Variants in GLT1D1 observed in about 807,000 individuals in gnomAD.
GLT1D1 encodes the protein glycosyltransferase 1 domain containing 1, also known as glycosyltransferase 1 domain-containing protein 1.
In GLT1D1, 21 loss-of-function variants were observed where a neutral mutation model predicts 28.7. The ratio of observed to expected loss-of-function variants is 0.73; its 90% CI spans 0.52 to 1.05. The LOEUF is 1.05. Among genes scored for constraint, GLT1D1 ranks in the 50% least tolerant of loss-of-function variants. GLT1D1 has a pLI of 0.00. For missense variants in GLT1D1, 343 were observed against 330.6 expected (o/e 1.04, Z -0.29); for synonymous variants, 147 against 124.8 (o/e 1.18, Z -1.19).
In GLT1D1 at chr12:128,937,155, T is replaced by TA. The variant is rs536933295; in HGVS notation, c.376-8167dup. ...AGAAATTCCTAACTAAAAATACTCA[T>TA]AAAATGTGATTTTGAAAATTAATAT... On this transcript the variant is annotated intron_variant, in intron 4 of 7. Coordinates refer to ENST00000281703, the MANE Select transcript of GLT1D1 (RefSeq NM_144669.3). Among the ~76,000 whole-genome samples, 3 of 152,344 alleles carry TA rather than the reference T, an allele frequency of 2.0e-5. No homozygotes were observed. In the East Asian group the frequency reaches 5.8e-4, roughly 29 times the overall value.
intron 4 of GLT1D1, among the ~76,000 whole-genome samples, chr12:128,937,107 A>G (rs1874641827): frequency 6.6e-6 from 1 of 152,196 alleles, no homozygotes; most frequent in South Asian, 2.1e-4. Context: ...GAGCAGAGGC[A>G]TGCTAATAAA....
chr12:128,877,021 G>A (rs930508920), intron 2 of GLT1D1, among the ~76,000 whole-genome samples: 1 of 152,176 alleles, frequency 6.6e-6, no homozygotes, highest in Non-Finnish European at 1.5e-5. Context: ...AGTCTTTAGA[G>A]GACCCTTTTA....
intron 3 of GLT1D1, among the ~76,000 whole-genome samples, chr12:128,891,702 G>A (rs761118841): frequency 2.0e-5 from 3 of 152,024 alleles, no homozygotes; most frequent in African/African-American, 7.2e-5. Context: ...TGTCAGTCTC[G>A]CTTCTGAAAA....
chr12:128,949,494 C>T (rs916474757), intron 6 of GLT1D1, among the ~76,000 whole-genome samples: 1 of 152,080 alleles, frequency 6.6e-6, no homozygotes, highest in Non-Finnish European at 1.5e-5. Flanking sequence ...AGGAAGTGAC[C>T]TTTTGACCTT....
At chr12:128,864,001 C>T in intron 1 of GLT1D1, 1 of 433,968 alleles carries the variant, frequency 2.3e-6, no homozygotes, top group East Asian at 3.5e-5. Context: ...CTGGAAGGAC[C>T]CTGCGATGCT....
Position 128,927,999 on chromosome 12 carries a change from C to CAAAAA in GLT1D1, c.376-17305_376-17301dup, listed in dbSNP as rs938188484. On this transcript the variant is annotated intron_variant, in intron 4 of 7. Coordinates refer to ENST00000281703, the MANE Select transcript of GLT1D1 (RefSeq NM_144669.3). ...TGGCCGACAGAGCAAGACTCTGTCT[C>CAAAAA]AAAAAAAAAAAAAAAAAAAAAAAAA... Among the ~76,000 whole-genome samples the CAAAAA allele has an allele frequency of 7.6e-4, 32 of 42,240 alleles. 1 individual carries two copies. Among genetic ancestry groups the CAAAAA allele is most frequent in the East Asian group, 1.4e-3 (1 of 714 alleles). The allele number at this position is 42,240 out of a possible 152,430, so 27.7% of individuals were successfully genotyped here. A position where few individuals can be genotyped will look rare whatever the true frequency, so the allele number is the denominator to read the frequency against.
rs34046835 is a variant in GLT1D1, at chr12:128,936,156, C to CTTT, written c.376-9156_376-9154dup. The stretch of plus-strand genomic sequence containing the variant: ...ATCCTGTGAGTGTTAAATAAAATAT[C>CTTT]TTTTTTTTTTTTTTTTGAGACGGAG... On this transcript the variant is annotated intron_variant, in intron 4 of 7. Coordinates refer to ENST00000281703, the MANE Select transcript of GLT1D1 (RefSeq NM_144669.3). Among the ~76,000 whole-genome samples the CTTT allele has an allele frequency of 7.5e-3, 1,035 of 138,740 alleles. 26 individuals are homozygous for CTTT. The highest frequency in any genetic ancestry group is 0.026 in the African/African-American group (981 of 37,348). The allele number at this position is 138,740 out of a possible 152,430, so 91.0% of individuals were successfully genotyped here.
intron 3 of GLT1D1, among the ~76,000 whole-genome samples, chr12:128,891,125 T>C (rs1053144540): frequency 6.0e-5 from 9 of 151,064 alleles, no homozygotes; most frequent in African/African-American, 2.2e-4. Flanking sequence ...AAAATTTAAT[T>C]AATTAAAAAA....
intron 2 of GLT1D1, among the ~76,000 whole-genome samples, chr12:128,883,314 G>A (rs1000161111): frequency 2.0e-5 from 3 of 151,568 alleles, no homozygotes; most frequent in East Asian, 2.0e-4. Flanking sequence ...GTTTAGGGCC[G>A]GGCGTAGTGG....
At chr12:128,965,809 C>T (rs917348149) in intron 7 of GLT1D1, among the ~76,000 whole-genome samples, 14 of 151,782 alleles carry the variant, frequency 9.2e-5, no homozygotes, top group East Asian at 1.9e-4. Flanking sequence ...GCGGGAGGAC[C>T]GCTTTAGCCT....
intron 3 of GLT1D1, among the ~76,000 whole-genome samples, chr12:128,893,441 T>A (rs1466466210): frequency 1.3e-5 from 2 of 152,076 alleles, no homozygotes; most frequent in Admixed American, 6.6e-5. Flanking sequence ...AAGCTATAGA[T>A]ATTTAAGCCC....
rs1156577051 is a variant in GLT1D1, at chr12:128,876,038, T to C, written c.193T>C (p.Tyr65His). 6.2e-7 allele frequency: 1 copy of C among 1,608,892 alleles called. No individual in the cohort carries two copies. Among genetic ancestry groups the C allele is most frequent in the Admixed American group, 1.7e-5 (1 of 58,494 alleles). Residue 65 changes from tyrosine (Y) to histidine (H), a missense_variant, in exon 2 of 8, where the codon TAT becomes CAT. Transcript: ENST00000281703. ...CGAGGCTGCCCTGGCTCTTCATCTC[T>C]ATAGGGGAGGCAGGCTTTTGCAAGG...
intron 2 of GLT1D1, among the ~76,000 whole-genome samples, chr12:128,885,496 T>A (rs1957155980): frequency 6.6e-6 from 1 of 152,230 alleles, no homozygotes; most frequent in Admixed American, 6.5e-5. Flanking sequence ...GTGCTGAGAT[T>A]ACAGGTATGA....
chr12:128,922,491 C>T (rs1033532602), intron 4 of GLT1D1, among the ~76,000 whole-genome samples: 1 of 152,166 alleles, frequency 6.6e-6, no homozygotes, highest in African/African-American at 2.4e-5. Context: ...TGACTCTTGA[C>T]CTCATATTCA....
intron 3 of GLT1D1, among the ~76,000 whole-genome samples, chr12:128,894,619 G>A (rs1196072406): frequency 6.6e-6 from 1 of 151,982 alleles, no homozygotes; most frequent in Non-Finnish European, 1.5e-5. Flanking sequence ...TGAGTTGGGT[G>A]GATCACTTGA....
At chr12:128,964,948 G>C (rs1308040334) in intron 7 of GLT1D1, among the ~76,000 whole-genome samples, 1 of 152,192 alleles carries the variant, frequency 6.6e-6, no homozygotes, top group Non-Finnish European at 1.5e-5. Flanking sequence ...AGTGCAGTGT[G>C]AAAGGTGTGA....
chr12:128,974,810 G>A (rs747939901), intron 7 of GLT1D1, among the ~76,000 whole-genome samples: 2 of 152,230 alleles, frequency 1.3e-5, no homozygotes, highest in Non-Finnish European at 2.9e-5. Flanking sequence ...TTCCGTGTAC[G>A]TTTTTGAGCA....
At chr12:128,955,841 C>T (rs1271727514) in intron 6 of GLT1D1, among the ~76,000 whole-genome samples, 1 of 151,824 alleles carries the variant, frequency 6.6e-6, no homozygotes, top group African/African-American at 2.4e-5. Context: ...TGTCCCTCAC[C>T]TCTCCTCTGT....
In GLT1D1 at chr12:128,906,155, A is replaced by G. The variant is rs764315929; in HGVS notation, c.375+6868A>G. Among the ~76,000 whole-genome samples, 48 of 152,250 alleles carry G rather than the reference A, an allele frequency of 3.2e-4. 1 individual carries two copies. Among genetic ancestry groups the G allele is most frequent in the South Asian group, 2.5e-3 (12 of 4,826 alleles). ...GTGCTGGCCAGTTTCTGATATTATAATATTGATTTGACATTTTCAAGAATT... is the reference window on the plus strand; with the variant it reads ...GTGCTGGCCAGTTTCTGATATTATAGTATTGATTTGACATTTTCAAGAATT... On this transcript the variant is annotated intron_variant, in intron 4 of 7. Coordinates refer to ENST00000281703, the MANE Select transcript of GLT1D1 (RefSeq NM_144669.3).
Sources: gnomAD v4.1 joint callset for allele counts (sites outside exome capture counted in the v4.1 genomes callset) on GRCh38, gnomAD v4.1.1 for gene constraint, MANE v1.5 for transcripts, NCBI Gene and HGNC (gene_info 2026-07-23, HGNC 2026-07-21) for gene names.